The following SHANK2 variants were observed in gnomAD, a reference collection of about 807,000 sequenced individuals.
SHANK2 encodes the protein SH3 and multiple ankyrin repeat domains protein 2.
In SHANK2, 43 loss-of-function variants were observed where a neutral mutation model predicts 133.7. That is an observed-to-expected ratio of 0.32 (90% CI 0.25 to 0.41). The LOEUF is 0.41. SHANK2 is among the 10% of genes least tolerant of loss of function. The probability of loss-of-function intolerance (pLI) is 1.00; values close to 1 mark genes in which losing one functional copy is unlikely to be tolerated. For missense variants in SHANK2, 1,994 were observed against 2,235.8 expected (o/e 0.89, Z 2.18); for synonymous variants, 1,017 against 952.8 (o/e 1.07, Z -1.24).
chr11:70,562,334 C>T (rs1337176521), intron 17 of SHANK2, among the ~76,000 whole-genome samples: 10 of 152,298 alleles, frequency 6.6e-5, no homozygotes, highest in African/African-American at 1.7e-4. Flanking sequence ...TCCTATATCC[C>T]GGCTGACTTT....
chr11:70,776,968 C>T (rs782086386), intron 14 of SHANK2, among the ~76,000 whole-genome samples: 1 of 150,664 alleles, frequency 6.6e-6, no homozygotes, highest in Non-Finnish European at 1.5e-5. Flanking sequence ...TACCTACTAA[C>T]CCATTTATCC....
chr11:71,155,342 C>T (rs1282009760), intron 2 of SHANK2, among the ~76,000 whole-genome samples: 1 of 134,614 alleles, frequency 7.4e-6, no homozygotes, highest in African/African-American at 2.8e-5. Flanking sequence ...AGCCCACGCT[C>T]CCAGAGAGGT....
chr11:71,213,997 C>G (rs1471407358), intron 2 of SHANK2, among the ~76,000 whole-genome samples: 1 of 152,158 alleles, frequency 6.6e-6, no homozygotes, highest in East Asian at 1.9e-4. Flanking sequence ...ATGAACCACC[C>G]CTGCCCTAAC....
chr11:70,555,908 T>C (rs2059822424), intron 17 of SHANK2, among the ~76,000 whole-genome samples: 1 of 152,196 alleles, frequency 6.6e-6, no homozygotes, highest in African/African-American at 2.4e-5. Context: ...TTCAAGTCTA[T>C]GAAGGCTGAG....
Position 70,487,794 on chromosome 11 carries a change from G to C in SHANK2, c.2573-74C>G. 6.5e-7 allele frequency: 1 copy of C among 1,549,150 alleles called. No individual in the cohort carries two copies. The stretch of plus-strand genomic sequence containing the variant: ...CTAAGTTCCTAGGAACGTGCGATAC[G>C]CTACATCTCCACAAACTCACAAATT... On this transcript the variant is annotated intron_variant, in intron 24 of 25. Transcript: ENST00000601538. This position sits in a 1 kb window ranked among gnomAD's most constrained non-coding sequence, Gnocchi z 5.8.
At position 70,468,906 on chromosome 11, in the gene SHANK2, A is replaced by G. The variant is rs1400304349; in HGVS notation, c.*3963T>C. 1 of 152,252 alleles carries G rather than the reference A, an allele frequency of 6.6e-6. No individual in the cohort carries two copies. Among genetic ancestry groups the G allele is most frequent in the Admixed American group, 6.5e-5 (1 of 15,288 alleles). The allele number at this position is 152,252 out of a possible 1,614,324, so 9.4% of individuals were successfully genotyped here. On this transcript the variant is annotated 3_prime_UTR_variant, in exon 26 of 26. Coordinates refer to ENST00000601538, the MANE Select transcript of SHANK2 (RefSeq NM_012309.5). ...CTTCCCTAAAGCGGAGGGATGGCCC[A>G]TGTCTTCCTGGCTTAGTTCTTTGCC...
intron 6 of SHANK2, among the ~76,000 whole-genome samples, chr11:71,097,588 C>T (rs1366928975): frequency 2.0e-5 from 3 of 152,204 alleles, no homozygotes; most frequent in Admixed American, 6.5e-5. Flanking sequence ...CTCAGAGACA[C>T]GCAGACCCTC....
intron 2 of SHANK2, among the ~76,000 whole-genome samples, chr11:71,180,904 C>T (rs1463545927): frequency 3.3e-5 from 5 of 152,038 alleles, no homozygotes; most frequent in African/African-American, 1.2e-4. Flanking sequence ...GAGGCACAGC[C>T]CCGTCCGGCT....
intron 2 of SHANK2, among the ~76,000 whole-genome samples, chr11:71,183,060 C>G (rs782203158): frequency 6.6e-6 from 1 of 152,136 alleles, no homozygotes; most frequent in African/African-American, 2.4e-5. Flanking sequence ...CACTTGTTAG[C>G]CAGCCAGGAG....
At chr11:70,835,803 C>A (rs1222489523) in intron 11 of SHANK2, among the ~76,000 whole-genome samples, 2 of 152,190 alleles carry the variant, frequency 1.3e-5, no homozygotes, top group Non-Finnish European at 2.9e-5. Context: ...AATAGGGTGA[C>A]CAGCCTCATT....
At chr11:70,494,818 C>G (rs1030521095) in intron 21 of SHANK2, among the ~76,000 whole-genome samples, 5 of 152,150 alleles carry the variant, frequency 3.3e-5, no homozygotes, top group East Asian at 3.9e-4. Context: ...AATCTCCCCC[C>G]ACAGCACTCT....
At chr11:71,145,552 G>A (rs1331534603) in intron 3 of SHANK2, among the ~76,000 whole-genome samples, 9 of 152,188 alleles carry the variant, frequency 5.9e-5, no homozygotes, top group African/African-American at 1.7e-4. Flanking sequence ...CTGAGCAGAG[G>A]GTGCCTGCTG....
intron 3 of SHANK2, among the ~76,000 whole-genome samples, chr11:71,140,046 G>C (rs1480213657): frequency 6.6e-6 from 1 of 152,212 alleles, no homozygotes; most frequent in African/African-American, 2.4e-5. Context: ...CTCCTGGCTG[G>C]CTCCTCCGGG....
intron 17 of SHANK2, among the ~76,000 whole-genome samples, chr11:70,617,052 G>A (rs1280217629): frequency 1.3e-5 from 2 of 151,794 alleles, no homozygotes; most frequent in Non-Finnish European, 2.9e-5. Flanking sequence ...TGTGTGTGTA[G>A]GTGTGGCAGT....
chr11:70,952,730 G>C (rs1950862467), intron 10 of SHANK2: 1 of 420,822 alleles, frequency 2.4e-6, no homozygotes, highest in Non-Finnish European at 5.0e-6. Flanking sequence ...AGATGGCAGG[G>C]CGGCCCTGGC....
chr11:70,607,278 A>G (rs1244852645), intron 17 of SHANK2, among the ~76,000 whole-genome samples: 6 of 152,206 alleles, frequency 3.9e-5, no homozygotes, highest in East Asian at 1.9e-4. Flanking sequence ...ACTGGTTTCC[A>G]GGCTGAACTC....
intron 17 of SHANK2, among the ~76,000 whole-genome samples, chr11:70,528,222 C>T (rs1038498570): frequency 1.3e-5 from 2 of 152,342 alleles, no homozygotes; most frequent in East Asian, 3.9e-4. Context: ...TCCCTGAGGT[C>T]TGAGGGTCAG....
At chr11:70,806,737 C>A (rs541061630) in intron 13 of SHANK2, among the ~76,000 whole-genome samples, 15 of 152,222 alleles carry the variant, frequency 9.9e-5, no homozygotes, top group African/African-American at 3.4e-4. Context: ...CTGGCTCCCC[C>A]ACTGCCCTTC....
rs140116177 is a variant in SHANK2, at chr11:71,165,754, T to C, written c.-12-18416A>G. Among the ~76,000 whole-genome samples, 23 of 152,228 alleles carry C rather than the reference T, an allele frequency of 1.5e-4. No homozygotes were observed. In the South Asian group the frequency reaches 3.9e-3, roughly 26 times the overall value. Reference sequence around the variant, plus strand: ...CAGCCAAGGTTGAGAACTGGCAACATCTTTTACGTGGTGTAGTCATGTAAC... The same window carrying C: ...CAGCCAAGGTTGAGAACTGGCAACACCTTTTACGTGGTGTAGTCATGTAAC... On this transcript the variant is annotated intron_variant, in intron 2 of 25. Transcript: ENST00000601538.
Sources: allele counts gnomAD v4.1 joint callset (sites outside exome capture counted in the v4.1 genomes callset), GRCh38; gene constraint gnomAD v4.1.1; non-coding constraint Gnocchi (gnomAD v3.1); transcripts MANE v1.5; gene names NCBI Gene and HGNC (gene_info 2026-07-23, HGNC 2026-07-21).